Variants in SIMC1 observed in about 807,000 individuals in gnomAD.
SIMC1 encodes the protein SUMO-interacting motif-containing protein 1.
A neutral mutation model predicts 82.3 loss-of-function variants in SIMC1; 55 were observed. The ratio of observed to expected loss-of-function variants is 0.67; its 90% CI spans 0.54 to 0.84. The LOEUF (loss-of-function observed/expected upper bound fraction) is 0.84, where lower values mean the gene tolerates loss of function less well. Among genes scored for constraint, SIMC1 ranks in the 40% least tolerant of loss-of-function variants. SIMC1 has a pLI of 0.00. For missense variants in SIMC1, 915 were observed against 1,107.2 expected, an observed-to-expected ratio of 0.83 and a Z score of 2.46; for synonymous variants, 353 against 426.3, an observed-to-expected ratio of 0.83 and a Z score of 2.12.
chr5:176,277,766 C>T (rs1762782123), intron 1 of SIMC1, among the ~76,000 whole-genome samples: 2 of 151,752 alleles, frequency 1.3e-5, no homozygotes, highest in South Asian at 2.1e-4. Context: ...TGTAGATATG[C>T]GGTGTTATTT....
At chr5:176,245,117 C>A (rs1761394999) in intron 1 of SIMC1, among the ~76,000 whole-genome samples, 1 of 152,270 alleles carries the variant, frequency 6.6e-6, no homozygotes. Flanking sequence ...TTCTAACCCC[C>A]CACTACCTCA....
chr5:176,335,829 G>GC (rs1446775750), intron 7 of SIMC1, among the ~76,000 whole-genome samples: 1 of 152,028 alleles, frequency 6.6e-6, no homozygotes. Flanking sequence ...GATTGCTTGA[G>GC]CCCAGGAGTT....
intron 1 of SIMC1, among the ~76,000 whole-genome samples, chr5:176,281,931 G>A (rs1329611104): frequency 8.5e-5 from 13 of 152,320 alleles, no homozygotes; most frequent in Admixed American, 1.3e-4. Flanking sequence ...CTCCAGCTGC[G>A]TGCTGGGAGA....
intron 4 of SIMC1, among the ~76,000 whole-genome samples, chr5:176,311,533 A>G (rs1764664571): frequency 6.6e-6 from 1 of 151,954 alleles, no homozygotes; most frequent in South Asian, 2.1e-4. Context: ...ATGAATGACT[A>G]TGCCCAGCCC....
chr5:176,343,007 A>C (rs1456982634), intron 9 of SIMC1, among the ~76,000 whole-genome samples: 1 of 152,176 alleles, frequency 6.6e-6, no homozygotes, highest in Admixed American at 6.5e-5. Flanking sequence ...AGGGCCTTGC[A>C]CTTCCATCTC....
intron 1 of SIMC1, among the ~76,000 whole-genome samples, chr5:176,285,224 T>C (rs1022987341): frequency 5.9e-5 from 9 of 152,130 alleles, no homozygotes; most frequent in African/African-American, 1.9e-4. Flanking sequence ...TGAACATTGA[T>C]GCAAAAATCC....
intron 7 of SIMC1, among the ~76,000 whole-genome samples, chr5:176,331,926 G>A (rs1284363820): frequency 6.6e-6 from 1 of 151,692 alleles, no homozygotes; most frequent in Non-Finnish European, 1.5e-5. Context: ...CCAAGATTGT[G>A]CCACTGCACT....
chr5:176,290,913 C>G lies in SIMC1; in HGVS notation c.1389C>G (p.His463Gln). 1 of 1,609,076 alleles carries G rather than the reference C, an allele frequency of 6.2e-7. No individual in the cohort carries two copies. The highest frequency in any genetic ancestry group is 1.3e-5 in the African/African-American group (1 of 74,954). The change falls in exon 2 of 10, where the codon CAC becomes CAG. Residue 463 changes from histidine to glutamine, a missense_variant. Around this residue, in one of 2 missense-constraint regions of SIMC1, gnomAD observed 902 missense variants for 1,040.3 expected, o/e 0.87. Transcript: ENST00000429602. ...LKYFLRPPVH[H>Q]LFFQTLIPDK... The stretch of plus-strand genomic sequence containing the variant: ...ACTTCTTACGTCCTCCGGTTCATCA[C>G]CTCTTCTTTCAGACGCTAATACCGG...
intron 1 of SIMC1, among the ~76,000 whole-genome samples, chr5:176,241,961 C>T (rs1417250949): frequency 6.6e-6 from 1 of 152,040 alleles, no homozygotes; most frequent in African/African-American, 2.4e-5. Flanking sequence ...TTCTTGAGAG[C>T]ACATCCAGCA....
intron 5 of SIMC1, among the ~76,000 whole-genome samples, chr5:176,316,699 T>C (rs901754485): frequency 7.1e-6 from 1 of 140,168 alleles, no homozygotes; most frequent in African/African-American, 2.7e-5. Flanking sequence ...CAAAAATAAA[T>C]AAAGGCATTT....
At chr5:176,280,565 G>A (rs1332280787) in intron 1 of SIMC1, among the ~76,000 whole-genome samples, 14 of 151,972 alleles carry the variant, frequency 9.2e-5, no homozygotes, top group East Asian at 1.9e-4. Context: ...ATTTTGGAGC[G>A]GCTGGTACCG....
chr5:176,257,263 C>T (rs1418559882), intron 1 of SIMC1, among the ~76,000 whole-genome samples: 6 of 152,094 alleles, frequency 3.9e-5, no homozygotes, highest in Non-Finnish European at 2.9e-5. Context: ...CATCTCTCAC[C>T]TTATGCAAAA....
intron 3 of SIMC1, among the ~76,000 whole-genome samples, chr5:176,295,644 T>C (rs1350076859): frequency 1.3e-5 from 2 of 150,106 alleles, no homozygotes; most frequent in East Asian, 3.9e-4. Context: ...GGGCCGCATG[T>C]GGTAGCCTCT....
At chr5:176,315,800 T>C (rs935460995) in intron 5 of SIMC1, among the ~76,000 whole-genome samples, 2 of 152,154 alleles carry the variant, frequency 1.3e-5, no homozygotes, top group African/African-American at 4.8e-5. Flanking sequence ...TTTCTAAAGA[T>C]TAAATGTTAA....
In SIMC1 at chr5:176,295,220, A is replaced by G. The variant is rs747682329; in HGVS notation, c.1622A>G (p.Asp541Gly). Residue 541 changes from aspartate to glycine, a missense_variant, in exon 3 of 10, where the codon GAT becomes GGT. Transcript: ENST00000429602. ...TTGCTCAGTGGCTCTGAGACTGTGGATGTCCTAAAGGAGGCCTACATGCTT... is the reference window on the plus strand; with the variant it reads ...TTGCTCAGTGGCTCTGAGACTGTGGGTGTCCTAAAGGAGGCCTACATGCTT... ...KILLSGSETV[D>G]VLKEAYMLLM... 3 of 1,613,442 alleles carry G rather than the reference A, an allele frequency of 1.9e-6. No individual in the cohort carries two copies. The highest frequency in any genetic ancestry group is 2.5e-6 in the Non-Finnish European group (3 of 1,179,612).
chr5:176,275,269 T>G (rs149298757), intron 1 of SIMC1, among the ~76,000 whole-genome samples: 89,501 of 151,032 alleles, frequency 0.59, 27,114 homozygotes, highest in Middle Eastern at 0.63. Flanking sequence ...ATGATTTGGC[T>G]CTCTGTCTGT....
intron 4 of SIMC1, among the ~76,000 whole-genome samples, chr5:176,312,860 G>A (rs2113343256): frequency 6.6e-6 from 1 of 152,270 alleles, no homozygotes; most frequent in Non-Finnish European, 1.5e-5. Flanking sequence ...GCACTTGTCT[G>A]GTAGTAAAGG....
chr5:176,298,731 C>T lies in SIMC1; in HGVS notation c.1734+2411C>T, dbSNP rs191021205. 1.3e-3 allele frequency among the ~76,000 whole-genome samples: 195 copies of T among 152,236 alleles called. 1 individual carries two copies. The highest frequency in any genetic ancestry group is 4.6e-3 in the African/African-American group (189 of 41,538). ...GTAAAGAAGTAGAGGTTTTTGTATG[C>T]AACTGAAGTTGTTAAACTAGATTGT... is the stretch of plus-strand genomic sequence containing the variant. On this transcript the variant is annotated intron_variant, in intron 4 of 9. Coordinates refer to ENST00000429602, the MANE Select transcript of SIMC1 (RefSeq NM_001308195.2).
chr5:176,295,808 A>G (rs1244334234), intron 3 of SIMC1, among the ~76,000 whole-genome samples: 1 of 152,218 alleles, frequency 6.6e-6, no homozygotes, highest in Non-Finnish European at 1.5e-5. Context: ...CCAGTGGGAA[A>G]GAGTGTCTGC....
Sources: allele counts gnomAD v4.1 joint callset (sites outside exome capture counted in the v4.1 genomes callset), GRCh38; gene constraint gnomAD v4.1.1; regional missense constraint gnomAD v4.1.1; transcripts MANE v1.5; gene names NCBI Gene and HGNC (gene_info 2026-07-23, HGNC 2026-07-21).